The following CMKLR1 variants were observed in gnomAD, a reference collection of about 807,000 sequenced individuals.
CMKLR1 encodes chemerin-like receptor 1.
Under a neutral mutation model 8.2 loss-of-function variants are expected in CMKLR1, and 6 were observed. The observed-to-expected ratio is 0.73, with a 90% CI of 0.40 to 1.44. The LOEUF (loss-of-function observed/expected upper bound fraction) is 1.44. CMKLR1 is among the 40% of genes most tolerant of loss of function. The pLI, the probability that CMKLR1 is intolerant of heterozygous loss-of-function variation, is 0.02. For missense variants in CMKLR1, 429 were observed against 478.0 expected (o/e 0.90, Z 0.96); for synonymous variants, 178 against 181.2 (o/e 0.98, Z 0.14).
chr12:108,301,139 G>A (rs995813401), intron 2 of CMKLR1, among the ~76,000 whole-genome samples: 1 of 143,754 alleles, frequency 7.0e-6, no homozygotes, highest in South Asian at 2.2e-4. Context: ...GCAGTGGTGC[G>A]ATCTCAGCTT....
At chr12:108,314,763 A>G (rs1891672945) in intron 2 of CMKLR1, among the ~76,000 whole-genome samples, 2 of 151,682 alleles carry the variant, frequency 1.3e-5, no homozygotes, top group African/African-American at 4.8e-5. Flanking sequence ...AAATTTTATT[A>G]TTTTAATTTT....
At position 108,292,789 on chromosome 12, in the gene CMKLR1, A is replaced by T; in HGVS notation, c.174T>A (p.Asn58Lys). 6.2e-7 allele frequency: 1 copy of T among 1,614,134 alleles called. No individual in the cohort carries two copies. The highest frequency in any genetic ancestry group is 8.5e-7 in the Non-Finnish European group (1 of 1,180,012). Residue 58 changes from asparagine to lysine, a missense_variant, in exon 4 of 4, where the codon AAT becomes AAA. Physicochemically the swap from Asn to Lys is moderately conservative, Grantham distance 94. Transcript: ENST00000550402. ...SIVCFLGILG[N>K]GLVIIIATFK... ...AGGTGGCAATGATGATCACCAGACC[A>T]TTGCCCAGAATCCCGAGGAAGCAGA...
chr12:108,291,732 G>T lies in CMKLR1; in HGVS notation c.*109C>A. The T allele has an allele frequency of 9.1e-7, 1 of 1,098,320 alleles. No individual in the cohort carries two copies. The highest frequency in any genetic ancestry group is 1.3e-6 in the Non-Finnish European group (1 of 753,504). The allele number at this position is 1,098,320 out of a possible 1,614,324, so 68.0% of individuals were successfully genotyped here. ...AAACACTGTTCATCCCATGCAAAAT[G>T]CAGTGAAAATTGGTGGATGCTAAAG... is the stretch of plus-strand genomic sequence containing the variant. On this transcript the variant is annotated 3_prime_UTR_variant, in exon 4 of 4. Coordinates refer to ENST00000550402, the MANE Select transcript of CMKLR1 (RefSeq NM_001142343.2).
intron 1 of CMKLR1, among the ~76,000 whole-genome samples, chr12:108,333,926 G>A (rs1892164847): frequency 6.6e-6 from 1 of 152,274 alleles, no homozygotes; most frequent in South Asian, 2.1e-4. Flanking sequence ...AAACCAGCAT[G>A]TCCTGAGTCC....
chr12:108,321,530 C>T (rs569335872), intron 2 of CMKLR1, among the ~76,000 whole-genome samples: 13 of 152,272 alleles, frequency 8.5e-5, no homozygotes, highest in African/African-American at 2.9e-4. Flanking sequence ...TGCACTTTCA[C>T]GCGTCTGCGT....
chr12:108,333,746 G>A (rs999082050), intron 1 of CMKLR1, among the ~76,000 whole-genome samples: 19 of 152,154 alleles, frequency 1.2e-4, no homozygotes, highest in African/African-American at 4.6e-4. Context: ...ACCAGCCAAC[G>A]TCACCCAGAC....
At chr12:108,301,022 ATTG>A (rs1490242288) in intron 2 of CMKLR1, among the ~76,000 whole-genome samples, 1 of 144,680 alleles carries the variant, frequency 6.9e-6, no homozygotes, top group Non-Finnish European at 1.5e-5. Context: ...CAATGTTGCT[ATTG>A]TTGTTGTCAG....
At chr12:108,310,706 C>G (rs185660718) in intron 2 of CMKLR1, among the ~76,000 whole-genome samples, 7 of 152,262 alleles carry the variant, frequency 4.6e-5, no homozygotes, top group African/African-American at 1.7e-4. Context: ...GAGAAGGGCC[C>G]ATACTGTCCA....
chr12:108,294,919 T>G (rs1277994772), intron 2 of CMKLR1, among the ~76,000 whole-genome samples: 1 of 152,274 alleles, frequency 6.6e-6, no homozygotes, highest in Non-Finnish European at 1.5e-5. Flanking sequence ...AAAGTCATCT[T>G]TTGCTTTTAT....
At chr12:108,316,566 A>G (rs773064915) in intron 2 of CMKLR1, among the ~76,000 whole-genome samples, 75 of 152,208 alleles carry the variant, frequency 4.9e-4, no homozygotes, top group Non-Finnish European at 8.5e-4. Context: ...GAAGAAAGGG[A>G]CAAGGCTAAA....
At chr12:108,317,178 G>GTT (rs1179428668) in intron 2 of CMKLR1, among the ~76,000 whole-genome samples, 53 of 152,224 alleles carry the variant, frequency 3.5e-4, no homozygotes, top group Non-Finnish European at 1.5e-5. Flanking sequence ...GCTGGAGGCA[G>GTT]TGTTTGGGAA....
intron 2 of CMKLR1, among the ~76,000 whole-genome samples, chr12:108,300,517 G>T (rs1891240359): frequency 6.6e-6 from 1 of 152,072 alleles, no homozygotes; most frequent in African/African-American, 2.4e-5. Context: ...CTGTCTCACT[G>T]GATCTGTCTG....
intron 2 of CMKLR1, among the ~76,000 whole-genome samples, chr12:108,296,638 C>A (rs1406353034): frequency 6.6e-6 from 1 of 152,104 alleles, no homozygotes; most frequent in African/African-American, 2.4e-5. Flanking sequence ...CCAGCCTGGG[C>A]AACATGGTGA....
chr12:108,299,774 C>T lies in CMKLR1; in HGVS notation c.-73-6110G>A, dbSNP rs374430389. Among the ~76,000 whole-genome samples, 7 of 152,276 alleles carry T rather than the reference C, an allele frequency of 4.6e-5. No homozygotes were observed. The South Asian group carries it at 8.3e-4, about 18-fold the overall frequency. The stretch of plus-strand genomic sequence containing the variant: ...TGGAGCCACCAGAAGCTGGCAGAGG[C>T]AAGGAAGTATCCTCCCCTGGAGCCT... On this transcript the variant is annotated intron_variant, in intron 2 of 3. Coordinates refer to ENST00000550402, the MANE Select transcript of CMKLR1 (RefSeq NM_001142343.2).
intron 2 of CMKLR1, among the ~76,000 whole-genome samples, chr12:108,295,365 C>T (rs1191877282): frequency 6.6e-6 from 1 of 152,230 alleles, no homozygotes; most frequent in Non-Finnish European, 1.5e-5. Flanking sequence ...GCCCCTGAGA[C>T]CATGATCTGC....
intron 2 of CMKLR1, among the ~76,000 whole-genome samples, chr12:108,318,093 G>T (rs1345131755): frequency 6.6e-6 from 1 of 152,200 alleles, no homozygotes; most frequent in Non-Finnish European, 1.5e-5. Flanking sequence ...TCCATTGGTA[G>T]ATTTGCCAGC....
chr12:108,325,405 C>G (rs1224124583), intron 2 of CMKLR1, among the ~76,000 whole-genome samples: 1 of 152,312 alleles, frequency 6.6e-6, no homozygotes, highest in East Asian at 1.9e-4. Context: ...AGGCTGTACA[C>G]TCACTAAGCG....
chr12:108,317,853 C>A (rs1392793988), intron 2 of CMKLR1: 2 of 152,238 alleles, frequency 1.3e-5, no homozygotes, highest in African/African-American at 4.8e-5. Flanking sequence ...CATCCAGTTT[C>A]CACTGTACCC....
chr12:108,322,184 A>C (rs957690612), intron 2 of CMKLR1, among the ~76,000 whole-genome samples: 3 of 152,176 alleles, frequency 2.0e-5, no homozygotes, highest in Non-Finnish European at 4.4e-5. Flanking sequence ...TAGGATGTTA[A>C]TTCTGAGTCC....
Sources: allele counts gnomAD v4.1 joint callset (sites outside exome capture counted in the v4.1 genomes callset), GRCh38; gene constraint gnomAD v4.1.1; transcripts MANE v1.5; gene names NCBI Gene and HGNC (gene_info 2026-07-23, HGNC 2026-07-21).